The following HS3ST5 variants were observed in gnomAD, a reference collection of about 807,000 sequenced individuals.
The protein encoded by HS3ST5 is heparan sulfate-glucosamine 3-sulfotransferase 5.
A neutral mutation model predicts 25.4 loss-of-function variants in HS3ST5; 10 were observed. That is an observed-to-expected ratio of 0.39 (90% CI 0.24 to 0.67). The LOEUF is 0.67. HS3ST5 is among the 30% of genes least tolerant of loss of function. The pLI is 0.44. For synonymous variants in HS3ST5, 170 were observed against 162.4 expected, an observed-to-expected ratio of 1.05 and a Z score of -0.36; for missense variants, 324 against 420.7, an observed-to-expected ratio of 0.77 and a Z score of 2.01.
At chr6:114,258,119 G>C (rs1394723507) in intron 1 of HS3ST5, among the ~76,000 whole-genome samples, 3 of 152,128 alleles carry the variant, frequency 2.0e-5, no homozygotes, top group Non-Finnish European at 2.9e-5. Context: ...CTGTCTTTCA[G>C]TAAATTTATC....
chr6:114,227,294 A>T (rs897876662), intron 2 of HS3ST5, among the ~76,000 whole-genome samples: 10 of 131,808 alleles, frequency 7.6e-5, no homozygotes, highest in Non-Finnish European at 1.4e-4. Flanking sequence ...ATGGATAAAA[A>T]ATTCTACATA....
At chr6:114,159,478 T>C (rs568163233) in intron 3 of HS3ST5, among the ~76,000 whole-genome samples, 1 of 152,326 alleles carries the variant, frequency 6.6e-6, no homozygotes, top group African/African-American at 2.4e-5. Context: ...ATGACTATGT[T>C]TATACTGTGT....
At chr6:114,202,504 T>C (rs926331733) in intron 2 of HS3ST5, among the ~76,000 whole-genome samples, 4 of 152,192 alleles carry the variant, frequency 2.6e-5, no homozygotes, top group African/African-American at 9.7e-5. Flanking sequence ...AATGAATATT[T>C]GAACAAATTA....
chr6:114,265,734 G>C (rs950527997), intron 1 of HS3ST5, among the ~76,000 whole-genome samples: 14 of 152,148 alleles, frequency 9.2e-5, no homozygotes, highest in African/African-American at 3.4e-4. Flanking sequence ...TAACACATTT[G>C]GCTACTTATT....
intron 2 of HS3ST5, among the ~76,000 whole-genome samples, chr6:114,191,871 A>G (rs907114097): frequency 2.6e-5 from 4 of 152,164 alleles, no homozygotes; most frequent in African/African-American, 9.7e-5. Flanking sequence ...CATTTAATTG[A>G]TCATGAAGAC....
chr6:114,225,591 A>G (rs1287472285), intron 2 of HS3ST5, among the ~76,000 whole-genome samples: 1 of 151,890 alleles, frequency 6.6e-6, no homozygotes, highest in East Asian at 1.9e-4. Flanking sequence ...CACTTCACTA[A>G]ATCCTTCAAA....
intron 2 of HS3ST5, among the ~76,000 whole-genome samples, chr6:114,223,041 T>C (rs1396886928): frequency 6.6e-6 from 1 of 151,652 alleles, no homozygotes; most frequent in African/African-American, 2.4e-5. Context: ...TTAGAAAGAA[T>C]GTGCAAGGTA....
At chr6:114,309,569 T>C (rs1775444690) in intron 1 of HS3ST5, among the ~76,000 whole-genome samples, 2 of 151,986 alleles carry the variant, frequency 1.3e-5, no homozygotes, top group African/African-American at 4.8e-5. Flanking sequence ...CCTATCTCTA[T>C]TAAAAATACA....
intron 1 of HS3ST5, among the ~76,000 whole-genome samples, chr6:114,254,847 C>T (rs1283802507): frequency 6.6e-6 from 1 of 152,114 alleles, no homozygotes; most frequent in Non-Finnish European, 1.5e-5. Context: ...TGGATCCCTC[C>T]CACAAAACAT....
Position 114,275,884 on chromosome 6 carries a change from T to A in HS3ST5, c.-338-47106A>T, listed in dbSNP as rs115152755. On this transcript the variant is annotated intron_variant, in intron 1 of 4. Transcript: ENST00000312719. Reference sequence around the variant, plus strand: ...TGGTGCAGGTCTTTGGCCCACAGGCTATATAGTTTGCTGACTTCTGTGATA... The same window carrying A: ...TGGTGCAGGTCTTTGGCCCACAGGCAATATAGTTTGCTGACTTCTGTGATA... Among the ~76,000 whole-genome samples the A allele has an allele frequency of 9.6e-3, 1,455 of 152,140 alleles. 25 individuals are homozygous for A. The highest frequency in any genetic ancestry group is 0.033 in the African/African-American group (1,380 of 41,530).
chr6:114,341,474 C>A (rs933400083), intron 1 of HS3ST5, among the ~76,000 whole-genome samples: 1 of 152,094 alleles, frequency 6.6e-6, no homozygotes, highest in African/African-American at 2.4e-5. Flanking sequence ...TGCCCTAAAC[C>A]AAGGTGGTCG....
intron 1 of HS3ST5, among the ~76,000 whole-genome samples, chr6:114,254,738 G>T (rs1446830032): frequency 6.6e-6 from 1 of 152,128 alleles, no homozygotes; most frequent in Non-Finnish European, 1.5e-5. Flanking sequence ...CCAAGTGAAA[G>T]GGGTTTCCCC....
chr6:114,164,661 C>T (rs909714775), intron 3 of HS3ST5, among the ~76,000 whole-genome samples: 4 of 152,220 alleles, frequency 2.6e-5, no homozygotes, highest in Admixed American at 1.3e-4. Flanking sequence ...AAATACAATT[C>T]TTAAAACATC....
intron 2 of HS3ST5, among the ~76,000 whole-genome samples, chr6:114,195,254 G>A (rs1387335858): frequency 6.6e-6 from 1 of 152,136 alleles, no homozygotes; most frequent in Non-Finnish European, 1.5e-5. Flanking sequence ...GGCCATCTGA[G>A]AAAGGGAAAA....
At chr6:114,285,367 T>C (rs1050665436) in intron 1 of HS3ST5, among the ~76,000 whole-genome samples, 7 of 151,934 alleles carry the variant, frequency 4.6e-5, no homozygotes, top group African/African-American at 1.7e-4. Flanking sequence ...GGTGACAAAA[T>C]AATCTATACA....
At chr6:114,315,941 G>C (rs1775729859) in intron 1 of HS3ST5, among the ~76,000 whole-genome samples, 1 of 152,108 alleles carries the variant, frequency 6.6e-6, no homozygotes, top group Non-Finnish European at 1.5e-5. Flanking sequence ...GTGTATCTCT[G>C]AGTTTACTGC....
At chr6:114,161,456 G>A (rs1234409155) in intron 3 of HS3ST5, among the ~76,000 whole-genome samples, 6 of 133,374 alleles carry the variant, frequency 4.5e-5, no homozygotes, top group Non-Finnish European at 4.7e-5. Flanking sequence ...GCCATGATAT[G>A]TTTTACCTGA....
At chr6:114,259,505 A>G (rs1345870775) in intron 1 of HS3ST5, among the ~76,000 whole-genome samples, 2 of 152,218 alleles carry the variant, frequency 1.3e-5, no homozygotes, top group Admixed American at 6.5e-5. Context: ...TAGGAATTCA[A>G]TTAAAATCTA....
rs150648156 is a variant in HS3ST5 at position 114,077,484 on chromosome 6, T to C, written c.-32-14607A>G. Among the ~76,000 whole-genome samples, 516 of 152,310 alleles carry C rather than the reference T, an allele frequency of 3.4e-3. 4 individuals carry two copies. The highest frequency in any genetic ancestry group is 0.012 in the African/African-American group (506 of 41,576). On this transcript the variant is annotated intron_variant, in intron 3 of 4. Transcript: ENST00000312719. Reference sequence around the variant, plus strand: ...GGAGCTCAGAAGCAGAATCCTTCCTTCTTTAATCTTGCATTTATATAGAAA... The same window carrying C: ...GGAGCTCAGAAGCAGAATCCTTCCTCCTTTAATCTTGCATTTATATAGAAA...
Sources: allele counts gnomAD v4.1 joint callset (sites outside exome capture counted in the v4.1 genomes callset), GRCh38; gene constraint gnomAD v4.1.1; transcripts MANE v1.5; gene names NCBI Gene and HGNC (gene_info 2026-07-23, HGNC 2026-07-21).